The following KIF5C variants were observed in gnomAD, a reference collection of about 807,000 sequenced individuals.
The protein encoded by KIF5C is kinesin family member 5C.
KIF5C carries 18 observed loss-of-function variants against 125.2 expected under a neutral mutation model. The observed-to-expected ratio is 0.14, with a 90% confidence interval of 0.10 to 0.21. KIF5C has a LOEUF of 0.21. Ranked by LOEUF, KIF5C falls within the 10% of genes least tolerant of loss-of-function variation. The pLI is 1.00. For missense variants in KIF5C, 780 were observed against 1,183.8 expected, an observed-to-expected ratio of 0.66 and a Z score of 5.01; for synonymous variants, 405 against 434.0, an observed-to-expected ratio of 0.93 and a Z score of 0.83.
At chr2:148,899,930 A>T (rs1447142958) in intron 1 of KIF5C, among the ~76,000 whole-genome samples, 1 of 152,146 alleles carries the variant, frequency 6.6e-6, no homozygotes, top group Non-Finnish European at 1.5e-5. Context: ...GAATGATTTC[A>T]GATCTCATGG....
chr2:148,888,597 T>G (rs1364120337), intron 1 of KIF5C: 1 of 152,054 alleles, frequency 6.6e-6, no homozygotes, highest in East Asian at 1.9e-4. Flanking sequence ...AAAATCTCTC[T>G]TCCCAACCCC....
At chr2:149,020,789 T>C (rs1482170860) in intron 25 of KIF5C, among the ~76,000 whole-genome samples, 9 of 152,222 alleles carry the variant, frequency 5.9e-5, no homozygotes, top group Admixed American at 1.3e-4. Flanking sequence ...CAGGCACTCC[T>C]ATTGGTTTTC....
At chr2:148,968,836 A>G (rs1392002543) in intron 11 of KIF5C, among the ~76,000 whole-genome samples, 1 of 152,138 alleles carries the variant, frequency 6.6e-6, no homozygotes, top group Admixed American at 6.6e-5. Context: ...CCATCTGGCA[A>G]CTTAAAGATT....
chr2:149,021,129 C>T (rs1012429737), intron 25 of KIF5C, among the ~76,000 whole-genome samples: 1 of 152,142 alleles, frequency 6.6e-6, no homozygotes, highest in Non-Finnish European at 1.5e-5. Context: ...GCAGCATGAT[C>T]TCGGCTCACT....
intron 23 of KIF5C, 36 bp from the exon 24 acceptor site, chr2:149,010,099 T>C: frequency 6.6e-7 from 1 of 1,518,158 alleles, no homozygotes; most frequent in Non-Finnish European, 8.9e-7. Context: ...GCTGCCTGCC[T>C]GGTAGTAACT....
chr2:149,008,025 C>T lies in KIF5C; in HGVS notation c.2508C>T (p.Phe836=), dbSNP rs1457575608. The part of the protein sequence containing the change: ...GSAAQKQKIS[F]LENNLEQLTK... ...CTGCCCAGAAGCAGAAAATTTCCTT[C>T]TTGGAGAATAACCTGGAGCAGCTCA... Residue 836 remains phenylalanine (F), a synonymous_variant, in exon 23 of 26, where the codon TTC becomes TTT. Coordinates refer to ENST00000435030, the MANE Select transcript of KIF5C (RefSeq NM_004522.3). 2 of 1,612,108 alleles carry T rather than the reference C, an allele frequency of 1.2e-6. No homozygotes were observed. Among genetic ancestry groups the T allele is most frequent in the East Asian group, 4.5e-5 (2 of 44,876 alleles).
intron 1 of KIF5C, chr2:148,883,484 G>A (rs1681426574): frequency 2.0e-5 from 3 of 151,318 alleles, no homozygotes; most frequent in Admixed American, 1.3e-4. Flanking sequence ...CTGGGCGAAA[G>A]AACGAGACTC....
At chr2:148,933,666 CAT>C (rs1682224453) in intron 3 of KIF5C, among the ~76,000 whole-genome samples, 1 of 151,704 alleles carries the variant, frequency 6.6e-6, no homozygotes, top group Admixed American at 6.6e-5. Context: ...CACACACAGA[CAT>C]ATGCACACCA....
chr2:148,896,137 G>A (rs182669098), intron 1 of KIF5C, among the ~76,000 whole-genome samples: 14 of 152,304 alleles, frequency 9.2e-5, no homozygotes, highest in African/African-American at 3.1e-4. Flanking sequence ...TGAGAGATGT[G>A]AGAACTCAGA....
At chr2:148,941,576 A>G in intron 4 of KIF5C, 34 bp from the exon 5 acceptor site, 1 of 1,552,206 alleles carries the variant, frequency 6.4e-7, no homozygotes, top group Non-Finnish European at 8.7e-7. Flanking sequence ...ACACTGCGGC[A>G]TGTCTATTCC....
chr2:148,940,320 G>A (rs1490513497), intron 4 of KIF5C, among the ~76,000 whole-genome samples: 1 of 152,112 alleles, frequency 6.6e-6, no homozygotes, highest in East Asian at 1.9e-4. Flanking sequence ...ATGAGAGATG[G>A]GCCTCAGGGA....
intron 23 of KIF5C, among the ~76,000 whole-genome samples, chr2:149,009,281 C>T (rs993806886): frequency 2.0e-5 from 3 of 152,080 alleles, no homozygotes; most frequent in Non-Finnish European, 4.4e-5. Flanking sequence ...TGAGCCACTG[C>T]ACCCAGCTGA....
chr2:149,001,524 A>G (rs1681850493), intron 21 of KIF5C, among the ~76,000 whole-genome samples: 2 of 152,324 alleles, frequency 1.3e-5, no homozygotes, highest in South Asian at 4.1e-4. Context: ...TGAGACCTGC[A>G]GGGCTTTGGG....
intron 25 of KIF5C, among the ~76,000 whole-genome samples, chr2:149,017,045 A>G (rs1682382750): frequency 6.6e-6 from 1 of 152,202 alleles, no homozygotes; most frequent in South Asian, 2.1e-4. Flanking sequence ...GAAGAAGGCC[A>G]GGTGGCAGTG....
At chr2:148,884,167 T>C (rs931573123) in intron 1 of KIF5C, 2 of 152,190 alleles carry the variant, frequency 1.3e-5, no homozygotes, top group Non-Finnish European at 2.9e-5. Context: ...AACCATAGGA[T>C]TTTGTAGGCT....
Position 148,875,580 on chromosome 2 carries a change from C to CCCCCCCT in KIF5C, c.-37_-36insCCCCCTC. 2 of 778,884 alleles carry CCCCCCCT rather than the reference C, an allele frequency of 2.6e-6. No homozygotes were observed. Among genetic ancestry groups the CCCCCCCT allele is most frequent in the Non-Finnish European group, 2.2e-6 (1 of 456,546 alleles). The allele number at this position is 778,884 out of a possible 1,614,324, so 48.2% of individuals were successfully genotyped here. A position where few individuals can be genotyped will look rare whatever the true frequency, so the allele number is the denominator to read the frequency against. ...CCTCGTCGTTCCCGGCCCCGGCCCC[C>CCCCCCCT]CACCCATCCCCGTGCCCCCTCCCTA... On this transcript the variant is annotated 5_prime_UTR_variant, in exon 1 of 26. Transcript: ENST00000435030.
intron 4 of KIF5C, 129 bp downstream of exon 4, chr2:148,937,517 C>A: frequency 7.6e-7 from 1 of 1,316,780 alleles, no homozygotes. Flanking sequence ...GTAAGCAGAG[C>A]CCTCTTTATT....
At chr2:148,887,963 A>AC (rs1414789350) in intron 1 of KIF5C, among the ~76,000 whole-genome samples, 1 of 151,972 alleles carries the variant, frequency 6.6e-6, no homozygotes, top group Admixed American at 6.5e-5. Context: ...ACTACCCCTT[A>AC]CCCCCGCAGC....
In KIF5C at chr2:149,000,520, C is replaced by CT; in HGVS notation, c.2309dup (p.Leu772IlefsTer5). 6.4e-7 allele frequency: 1 copy of CT among 1,562,442 alleles called. No homozygotes were observed. The highest frequency in any genetic ancestry group is 1.2e-5 in the South Asian group (1 of 85,604). On this transcript the variant is annotated frameshift_variant, in exon 20 of 26. Transcript: ENST00000435030. LOFTEE classifies it high-confidence loss of function. ...AGAGAGAGAAATGAAGCTGGAAAAG[C>CT]TCTTGTGAGTGCACTCTAAATATTT...
Sources: allele counts gnomAD v4.1 joint callset (sites outside exome capture counted in the v4.1 genomes callset), GRCh38; gene constraint gnomAD v4.1.1; transcripts MANE v1.5; gene names NCBI Gene and HGNC (gene_info 2026-07-23, HGNC 2026-07-21).